The following CDK8 variants were observed in gnomAD, a reference collection of about 807,000 sequenced individuals.
The protein encoded by CDK8 is cyclin-dependent kinase 8.
CDK8 carries 29 observed loss-of-function variants against 71.5 expected under a neutral mutation model. The ratio of observed to expected loss-of-function variants is 0.41; its 90% confidence interval spans 0.30 to 0.55. The LOEUF (loss-of-function observed/expected upper bound fraction) is 0.55. Among genes scored for constraint, CDK8 ranks in the 20% least tolerant of loss-of-function variants. The pLI, the probability that CDK8 is intolerant of heterozygous loss-of-function variation, is 0.37. For missense variants in CDK8, 288 were observed against 572.6 expected (o/e 0.50, Z 5.07); for synonymous variants, 161 against 192.1 (o/e 0.84, Z 1.34).
intron 4 of CDK8, among the ~76,000 whole-genome samples, chr13:26,382,394 A>G (rs1470861467): frequency 1.3e-5 from 2 of 152,194 alleles, no homozygotes; most frequent in African/African-American, 4.8e-5. Flanking sequence ...CATTTCCAAA[A>G]AAGGATTTCT....
Position 26,254,794 on chromosome 13 carries a change from G to C in CDK8, c.128+25G>C. Reference sequence around the variant, plus strand: ...GGTGAGTGTGTGTGTCTGGGCCGGTGTCCGCGCTGGGCGGCGCTCCCGCAG... The same window carrying C: ...GGTGAGTGTGTGTGTCTGGGCCGGTCTCCGCGCTGGGCGGCGCTCCCGCAG... On this transcript the variant is annotated intron_variant, in intron 1 of 12. Transcript: ENST00000381527. This position sits in a 1 kb window ranked among gnomAD's most constrained non-coding sequence, Gnocchi z 6.7. 1.2e-6 allele frequency: 2 copies of C among 1,607,930 alleles called. No individual in the cohort carries two copies. The highest frequency in any genetic ancestry group is 8.5e-7 in the Non-Finnish European group (1 of 1,176,594).
intron 7 of CDK8, among the ~76,000 whole-genome samples, chr13:26,393,847 A>G (rs1875866014): frequency 6.6e-6 from 1 of 152,212 alleles, no homozygotes; most frequent in South Asian, 2.1e-4. Flanking sequence ...GAAACTATAA[A>G]TGAATTCAGT....
intron 6 of CDK8, among the ~76,000 whole-genome samples, chr13:26,391,344 C>T (rs1378232055): frequency 6.6e-6 from 1 of 152,158 alleles, no homozygotes; most frequent in Non-Finnish European, 1.5e-5. Context: ...TGGGCTCAAG[C>T]GATCCTCCCG....
chr13:26,374,962 T>A (rs1353758605), intron 4 of CDK8, among the ~76,000 whole-genome samples: 1 of 152,202 alleles, frequency 6.6e-6, no homozygotes, highest in Non-Finnish European at 1.5e-5. Flanking sequence ...AGGCATTTTT[T>A]TTAAATTTAA....
At chr13:26,374,157 C>T (rs1439030897) in intron 4 of CDK8, among the ~76,000 whole-genome samples, 2 of 151,634 alleles carry the variant, frequency 1.3e-5, no homozygotes, top group East Asian at 3.9e-4. Flanking sequence ...TCGGAGATCA[C>T]GCGACTGCAC....
At chr13:26,326,946 C>T (rs1271650864) in intron 1 of CDK8, among the ~76,000 whole-genome samples, 1 of 152,122 alleles carries the variant, frequency 6.6e-6, no homozygotes, top group Non-Finnish European at 1.5e-5. Flanking sequence ...TACACAGATT[C>T]AGTCAGTAAT....
chr13:26,306,403 C>T (rs568271099), intron 1 of CDK8, among the ~76,000 whole-genome samples: 80 of 152,178 alleles, frequency 5.3e-4, no homozygotes, highest in Non-Finnish European at 9.1e-4. Flanking sequence ...TTATTTACTT[C>T]TTGTAGCATA....
intron 4 of CDK8, among the ~76,000 whole-genome samples, chr13:26,380,022 G>A (rs1053155483): frequency 9.2e-5 from 14 of 152,222 alleles, no homozygotes; most frequent in Admixed American, 9.2e-4. Context: ...TCAAAGAATG[G>A]CGAAAACATG....
intron 1 of CDK8, among the ~76,000 whole-genome samples, chr13:26,265,338 T>G (rs866127363): frequency 6.6e-6 from 1 of 152,164 alleles, no homozygotes; most frequent in African/African-American, 2.4e-5. Context: ...AGGGCTGCAG[T>G]AGGGAAAATT....
chr13:26,259,431 C>T (rs1160637783), intron 1 of CDK8, among the ~76,000 whole-genome samples: 1 of 151,962 alleles, frequency 6.6e-6, no homozygotes, highest in African/African-American at 2.4e-5. Context: ...TATAAGTAAT[C>T]TAGAGATGAT....
At chr13:26,343,899 A>G (rs1316096968) in intron 2 of CDK8, among the ~76,000 whole-genome samples, 1 of 151,306 alleles carries the variant, frequency 6.6e-6, no homozygotes, top group Non-Finnish European at 1.5e-5. Context: ...TTTTTTTTTT[A>G]CTTTTTCAAC....
chr13:26,263,274 T>C (rs1302767619), intron 1 of CDK8, among the ~76,000 whole-genome samples: 1 of 152,102 alleles, frequency 6.6e-6, no homozygotes, highest in Non-Finnish European at 1.5e-5. Flanking sequence ...TAGCTGGGAC[T>C]ACAGGCGCCC....
chr13:26,372,414 AATAG>A (rs1874733147), intron 4 of CDK8, among the ~76,000 whole-genome samples: 1 of 152,230 alleles, frequency 6.6e-6, no homozygotes, highest in Non-Finnish European at 1.5e-5. Flanking sequence ...AAGAAATAAT[AATAG>A]ATGATAAAAG....
chr13:26,382,348 A>G (rs9581657), intron 4 of CDK8, among the ~76,000 whole-genome samples: 3,482 of 152,282 alleles, frequency 0.023, 135 homozygotes, highest in African/African-American at 0.08. Flanking sequence ...AAATTTCTCA[A>G]TAATTCGTTT....
At chr13:26,370,657 G>C (rs1044797257) in intron 4 of CDK8, among the ~76,000 whole-genome samples, 2 of 152,108 alleles carry the variant, frequency 1.3e-5, no homozygotes, top group Admixed American at 1.3e-4. Flanking sequence ...ATTAAAACAG[G>C]ACAAATGCAG....
chr13:26,352,750 A>G (rs1001239742), intron 3 of CDK8, among the ~76,000 whole-genome samples: 6 of 152,204 alleles, frequency 3.9e-5, no homozygotes, highest in South Asian at 2.1e-4. Context: ...TATTTGCTAT[A>G]TATTTTTACC....
At chr13:26,272,389 G>T (rs1041278080) in intron 1 of CDK8, among the ~76,000 whole-genome samples, 2 of 152,076 alleles carry the variant, frequency 1.3e-5, no homozygotes, top group Non-Finnish European at 2.9e-5. Context: ...ACAGGGTCAG[G>T]ATCATCAGTA....
In CDK8 at chr13:26,254,593, C is replaced by A; in HGVS notation, c.-49C>A. The A allele has an allele frequency of 1.6e-6, 2 of 1,244,766 alleles. No individual in the cohort carries two copies. Among genetic ancestry groups the A allele is most frequent in the Non-Finnish European group, 2.3e-6 (2 of 883,458 alleles). The allele number at this position is 1,244,766 out of a possible 1,614,324, so 77.1% of individuals were successfully genotyped here. On this transcript the variant is annotated 5_prime_UTR_variant, in exon 1 of 13. It adds an upstream start codon to the 5' untranslated region. Coordinates refer to ENST00000381527, the MANE Select transcript of CDK8 (RefSeq NM_001260.3). The surrounding 1 kb of genome is among the most constrained non-coding windows in gnomAD (Gnocchi z 6.7). ...GCCCGTGCTTCCCCGGTCCCCACCC[C>A]TGCCCCCCGGCCCCCCGACCCAGCT... is the stretch of plus-strand genomic sequence containing the variant.
intron 1 of CDK8, among the ~76,000 whole-genome samples, chr13:26,258,482 T>C (rs1219943599): frequency 6.8e-6 from 1 of 146,958 alleles, no homozygotes; most frequent in Non-Finnish European, 1.5e-5. Context: ...CATACTTGTG[T>C]ATCTAGAGGG....
Sources: gnomAD v4.1 joint callset for allele counts (sites outside exome capture counted in the v4.1 genomes callset) on GRCh38, gnomAD v4.1.1 for gene constraint, Gnocchi (gnomAD v3.1) non-coding constraint, MANE v1.5 for transcripts, NCBI Gene and HGNC (gene_info 2026-07-23, HGNC 2026-07-21) for gene names.